The following NME7 variants were observed in gnomAD, a reference collection of about 807,000 sequenced individuals.
NME7 encodes nucleoside diphosphate kinase 7.
Under a neutral mutation model 49.1 loss-of-function variants are expected in NME7, and 41 were observed. The ratio of observed to expected loss-of-function variants is 0.83; its 90% CI spans 0.65 to 1.08. The LOEUF is 1.08. Among genes scored for constraint, NME7 ranks in the 50% least tolerant of loss-of-function variants. The pLI, the probability that NME7 is intolerant of heterozygous loss-of-function variation, is 0.00. For missense variants in NME7, 423 were observed against 463.4 expected (o/e 0.91, Z 0.80); for synonymous variants, 139 against 150.6 (o/e 0.92, Z 0.56).
At chr1:169,159,382 A>T (rs1659175839) in intron 11 of NME7, among the ~76,000 whole-genome samples, 1 of 152,142 alleles carries the variant, frequency 6.6e-6, no homozygotes, top group South Asian at 2.1e-4. Context: ...ATCTCAAATT[A>T]TGGGGCGGAA....
chr1:169,158,433 ATTGT>A (rs1299782577), intron 11 of NME7, among the ~76,000 whole-genome samples: 2 of 152,142 alleles, frequency 1.3e-5, no homozygotes, highest in Non-Finnish European at 2.9e-5. Context: ...AAACTTATAA[ATTGT>A]TTATTTCTGG....
chr1:169,244,635 C>CAA lies in NME7; in HGVS notation c.755-6950_755-6949dup, dbSNP rs71121747. Among the ~76,000 whole-genome samples, 5,071 of 84,986 alleles carry CAA rather than the reference C, an allele frequency of 0.06. 854 individuals carry two copies. In the East Asian group the frequency reaches 0.64, roughly 11 times the overall value. The allele number at this position is 84,986 out of a possible 152,430, so 55.8% of individuals were successfully genotyped here. A position where few individuals can be genotyped will look rare whatever the true frequency, so the allele number is the denominator to read the frequency against. On this transcript the variant is annotated intron_variant, in intron 7 of 11. Coordinates refer to ENST00000367811, the MANE Select transcript of NME7 (RefSeq NM_013330.5). Reference sequence around the variant, plus strand: ...TGGACCACAGACTGAGACTCCATCTCAAAAAAAAAAAAAAAAAAAATTAAG... The same window carrying CAA: ...TGGACCACAGACTGAGACTCCATCTCAAAAAAAAAAAAAAAAAAAAAATTAAG...
chr1:169,303,207 T>A lies in NME7; in HGVS notation c.390-12A>T, dbSNP rs769295553. ...CCAATGCTTCTTTCCTATAAAATAA[T>A]CAAAAAGGCAATAGTTAAGAATTAT... On this transcript the variant is annotated splice_polypyrimidine_tract_variant and intron_variant, in intron 4 of 11. Coordinates refer to ENST00000367811, the MANE Select transcript of NME7 (RefSeq NM_013330.5). The A allele has an allele frequency of 2.1e-6, 3 of 1,404,478 alleles. No individual in the cohort carries two copies. The South Asian group carries it at 3.9e-5, about 18-fold the overall frequency. The allele number at this position is 1,404,478 out of a possible 1,614,324, so 87.0% of individuals were successfully genotyped here. A position where few individuals can be genotyped will look rare whatever the true frequency, so the allele number is the denominator to read the frequency against.
rs1660351710 is a variant in NME7 at position 169,195,459 on chromosome 1, C to T, written c.991-25905G>A. On this transcript the variant is annotated intron_variant, in intron 10 of 11. Transcript: ENST00000367811. ...AATTCCTGGCCTCAAGTGATCCTCCCATCTCAGCCTTCCAAAGTACTGGGA... is the reference window on the plus strand; with the variant it reads ...AATTCCTGGCCTCAAGTGATCCTCCTATCTCAGCCTTCCAAAGTACTGGGA... Among the ~76,000 whole-genome samples the T allele has an allele frequency of 1.3e-5, 2 of 152,142 alleles. 1 individual carries two copies. The highest frequency in any genetic ancestry group is 4.1e-4 in the South Asian group (2 of 4,832).
At chr1:169,336,321 A>C (rs1652472630) in intron 1 of NME7, among the ~76,000 whole-genome samples, 1 of 152,144 alleles carries the variant, frequency 6.6e-6, no homozygotes, top group South Asian at 2.1e-4. Flanking sequence ...CAAAGCTTCC[A>C]CAGTGTGGAA....
rs116489995 is a variant in NME7 at position 169,354,589 on chromosome 1, T to C, written c.3+13119A>G. On this transcript the variant is annotated intron_variant, in intron 1 of 11. Transcript: ENST00000367811. ...GAAATGGATACCAAATTTTCCACAA[T>C]ATGTTTATTATGCATTGCATGCCTG... Among the ~76,000 whole-genome samples, 293 of 150,690 alleles carry C rather than the reference T, an allele frequency of 1.9e-3. 4 individuals carry two copies. The highest frequency in any genetic ancestry group is 6.9e-3 in the African/African-American group (284 of 41,218).
intron 1 of NME7, among the ~76,000 whole-genome samples, chr1:169,348,548 T>C (rs1653030501): frequency 6.6e-6 from 1 of 152,152 alleles, no homozygotes; most frequent in South Asian, 2.1e-4. Context: ...GCCACTTCAA[T>C]ATGATTAAAA....
chr1:169,138,020 G>T (rs934912656), intron 11 of NME7, among the ~76,000 whole-genome samples: 2 of 152,168 alleles, frequency 1.3e-5, no homozygotes, highest in Non-Finnish European at 2.9e-5. Flanking sequence ...AATGTTTTAA[G>T]ACTAAATGAG....
intron 6 of NME7, 62 bp downstream of exon 6, chr1:169,298,493 TC>T (rs1220842938): frequency 3.3e-6 from 5 of 1,516,248 alleles, no homozygotes; most frequent in Non-Finnish European, 4.5e-6. Context: ...AGAAATGCTT[TC>T]CTTTGATATA....
At chr1:169,207,617 A>G (rs573559070) in intron 10 of NME7, among the ~76,000 whole-genome samples, 188 of 152,296 alleles carry the variant, frequency 1.2e-3, no homozygotes, top group Non-Finnish European at 2.1e-3. Context: ...AACTAAAGGC[A>G]ATCTTTTTCA....
intron 9 of NME7, 112 bp downstream of exon 9, chr1:169,235,019 T>C: frequency 2.0e-6 from 1 of 501,556 alleles, no homozygotes; most frequent in Non-Finnish European, 3.5e-6. Context: ...TGACTCTGTA[T>C]TGATTTTCAG....
At chr1:169,213,670 C>T (rs958717708) in intron 10 of NME7, among the ~76,000 whole-genome samples, 1 of 152,046 alleles carries the variant, frequency 6.6e-6, no homozygotes, top group Non-Finnish European at 1.5e-5. Flanking sequence ...AGAACAAGAA[C>T]TGAAAAATTT....
At chr1:169,348,430 G>A (rs899989393) in intron 1 of NME7, among the ~76,000 whole-genome samples, 3 of 150,656 alleles carry the variant, frequency 2.0e-5, no homozygotes, top group Non-Finnish European at 2.9e-5. Context: ...TCATCATTTA[G>A]GCTAAAGTTT....
chr1:169,358,257 T>C (rs1653531749), intron 1 of NME7, among the ~76,000 whole-genome samples: 2 of 152,112 alleles, frequency 1.3e-5, no homozygotes, highest in South Asian at 4.1e-4. Flanking sequence ...TTACAGTTTA[T>C]AAATTACTTT....
chr1:169,219,675 T>C (rs1359971592), intron 10 of NME7, among the ~76,000 whole-genome samples: 2 of 152,172 alleles, frequency 1.3e-5, no homozygotes, highest in African/African-American at 2.4e-5. Context: ...GCTGGGACTA[T>C]AGGTATGTGT....
chr1:169,277,382 G>A (rs1485818810), intron 7 of NME7, among the ~76,000 whole-genome samples: 3 of 141,898 alleles, frequency 2.1e-5, no homozygotes, highest in African/African-American at 7.6e-5. Context: ...TGTATTGGGT[G>A]CAATATATTT....
At chr1:169,155,351 G>T (rs1350885234) in intron 11 of NME7, among the ~76,000 whole-genome samples, 1 of 152,228 alleles carries the variant, frequency 6.6e-6, no homozygotes, top group Non-Finnish European at 1.5e-5. Flanking sequence ...TGAAGCAAGG[G>T]TTGGCAGGAG....
intron 1 of NME7, among the ~76,000 whole-genome samples, chr1:169,353,813 T>C (rs1314725768): frequency 1.3e-5 from 2 of 152,042 alleles, no homozygotes; most frequent in Non-Finnish European, 2.9e-5. Context: ...CTCAATATCA[T>C]TGATCATGAG....
intron 3 of NME7, among the ~76,000 whole-genome samples, chr1:169,314,184 A>G (rs1338320185): frequency 3.3e-5 from 5 of 152,082 alleles, no homozygotes; most frequent in Non-Finnish European, 5.9e-5. Context: ...GAAAGGATAA[A>G]AAGCAAAAAG....
Sources: gnomAD v4.1 joint callset for allele counts (sites outside exome capture counted in the v4.1 genomes callset) on GRCh38, gnomAD v4.1.1 for gene constraint, MANE v1.5 for transcripts, NCBI Gene and HGNC (gene_info 2026-07-23, HGNC 2026-07-21) for gene names.